Variants in MASTL observed in about 807,000 individuals in gnomAD.
MASTL encodes the protein microtubule associated serine/threonine kinase like, also known as serine/threonine-protein kinase greatwall.
MASTL carries 54 observed loss-of-function variants against 82.5 expected under a neutral mutation model. The ratio of observed to expected loss-of-function variants is 0.65; its 90% confidence interval spans 0.53 to 0.82. The LOEUF is 0.82. MASTL is among the 40% of genes least tolerant of loss of function. The probability of loss-of-function intolerance (pLI) is 0.00; values close to 1 mark genes in which losing one functional copy is unlikely to be tolerated. For synonymous variants in MASTL, 323 were observed against 368.9 expected, an observed-to-expected ratio of 0.88 and a Z score of 1.43; for missense variants, 950 against 1,047.8, an observed-to-expected ratio of 0.91 and a Z score of 1.29.
At chr10:27,162,429 G>T (rs2057600598) in intron 4 of MASTL, among the ~76,000 whole-genome samples, 2 of 152,306 alleles carry the variant, frequency 1.3e-5, no homozygotes, top group African/African-American at 4.8e-5. Flanking sequence ...CTGGGAGGCC[G>T]AGGCGGGTAG....
At chr10:27,178,986 A>G (rs1012017247) in intron 9 of MASTL, among the ~76,000 whole-genome samples, 2 of 152,120 alleles carry the variant, frequency 1.3e-5, no homozygotes, top group Admixed American at 6.6e-5. Context: ...GCATGCAGCT[A>G]TTTTTCCTAA....
chr10:27,161,062 G>C lies in MASTL; in HGVS notation c.465-32G>C, dbSNP rs12572707. ...CTAACATTAAAACTAGCCCTTTTTT[G>C]GTTATCTAATATTTGCCTTTTGTGT... On this transcript the variant is annotated intron_variant, in intron 3 of 11. Coordinates refer to ENST00000375940, the MANE Select transcript of MASTL (RefSeq NM_001172303.3). The C allele has an allele frequency of 0.068, 93,409 of 1,368,716 alleles. 4,308 individuals carry two copies. The highest frequency in any genetic ancestry group is 0.2 in the East Asian group (8,814 of 43,672). 84.8% of individuals were successfully genotyped at this position (1,368,716 alleles called of 1,614,324 possible).
chr10:27,168,477 T>C (rs544838943), intron 7 of MASTL, among the ~76,000 whole-genome samples: 16 of 152,332 alleles, frequency 1.1e-4, no homozygotes, highest in African/African-American at 3.8e-4. Flanking sequence ...GATCCCCACA[T>C]GCATCATTTT....
chr10:27,173,341 C>A, intron 9 of MASTL, 82 bp downstream of exon 9: 1 of 1,513,046 alleles, frequency 6.6e-7, no homozygotes. Flanking sequence ...AAAATTTCTT[C>A]AGTACTTACG....
At chr10:27,181,235 C>CA (rs907178202) in intron 10 of MASTL, among the ~76,000 whole-genome samples, 169 bp downstream of exon 10, 4 of 151,592 alleles carry the variant, frequency 2.6e-5, no homozygotes, top group Admixed American at 2.0e-4. Flanking sequence ...AAAAAAAATA[C>CA]AAAAAATTAG....
At chr10:27,160,751 CAAAAAA>C (rs879457054) in intron 3 of MASTL, among the ~76,000 whole-genome samples, 5 of 112,324 alleles carry the variant, frequency 4.5e-5, no homozygotes, top group Admixed American at 3.8e-4. Flanking sequence ...AACTCCATCT[CAAAAAA>C]AAAAAGAAAA....
chr10:27,165,628 T>G, intron 6 of MASTL, 89 bp downstream of exon 6: 1 of 1,428,856 alleles, frequency 7.0e-7, no homozygotes, highest in African/African-American at 1.4e-5. Context: ...TTTCTTTCTT[T>G]TTGAGACGGA....
chr10:27,174,878 A>C (rs1588704754), intron 9 of MASTL, among the ~76,000 whole-genome samples: 1 of 152,098 alleles, frequency 6.6e-6, no homozygotes, highest in Non-Finnish European at 1.5e-5. Context: ...ACTTAAACAT[A>C]GCTTTTTTGG....
chr10:27,164,478 T>C (rs2057675781), intron 4 of MASTL, among the ~76,000 whole-genome samples: 1 of 152,206 alleles, frequency 6.6e-6, no homozygotes, highest in Non-Finnish European at 1.5e-5. Flanking sequence ...TATATCTAAG[T>C]GGAATAGTAT....
At chr10:27,173,385 T>C in intron 9 of MASTL, 126 bp downstream of exon 9, 1 of 1,013,792 alleles carries the variant, frequency 9.9e-7, no homozygotes, top group South Asian at 1.4e-5. Context: ...ACTCATCTAG[T>C]ATATATATGG....
chr10:27,176,968 C>G (rs1272759246), intron 9 of MASTL, among the ~76,000 whole-genome samples: 1 of 151,878 alleles, frequency 6.6e-6, no homozygotes, highest in Non-Finnish European at 1.5e-5. Context: ...CCTCAGCCTC[C>G]CAATTAGCTG....
At chr10:27,180,894 G>A in intron 9 of MASTL, 59 bp from the exon 10 acceptor site, 2 of 1,107,862 alleles carry the variant, frequency 1.8e-6, no homozygotes, top group East Asian at 2.4e-5. Flanking sequence ...TAATATTTCT[G>A]TTCATCAAAT....
rs748127981 is a variant in MASTL at position 27,168,329 on chromosome 10, T to TTA, written c.984+1056_984+1057insAT. 2.0e-4 allele frequency among the ~76,000 whole-genome samples: 30 copies of TTA among 152,314 alleles called. No homozygotes were observed. In the South Asian group the frequency reaches 6.0e-3, roughly 31 times the overall value. On this transcript the variant is annotated intron_variant, in intron 7 of 11. Transcript: ENST00000375940. ...CTTTCCTATTGAAGAAAACATATTG[T>TTA]TTACTATTTCAAATTATACACAGCT...
Position 27,159,126 on chromosome 10 carries a change from A to G in MASTL, c.324+440A>G, listed in dbSNP as rs1028549332. Among the ~76,000 whole-genome samples the G allele has an allele frequency of 6.6e-6, 1 of 152,174 alleles. No homozygotes were observed. Among genetic ancestry groups the G allele is most frequent in the African/African-American group, 2.4e-5 (1 of 41,448 alleles). ...GCACATAATTGCACCCCAGCCTGAG[A>G]TAGAGTCTCCCTCTGTTGCCCAGGC... On this transcript the variant is annotated intron_variant, in intron 2 of 11. Coordinates refer to ENST00000375940, the MANE Select transcript of MASTL (RefSeq NM_001172303.3). The surrounding 1 kb of genome is among the most constrained non-coding windows in gnomAD (Gnocchi z 4.0).
intron 11 of MASTL, among the ~76,000 whole-genome samples, chr10:27,181,798 G>A (rs2058327058): frequency 6.6e-6 from 1 of 152,126 alleles, no homozygotes; most frequent in Admixed American, 6.5e-5. Context: ...AAATTGGCCG[G>A]GTGTGGTGGC....
intron 6 of MASTL, among the ~76,000 whole-genome samples, chr10:27,166,799 C>CTT (rs1447140947): frequency 6.6e-6 from 1 of 152,018 alleles, no homozygotes; most frequent in African/African-American, 2.4e-5. Context: ...TGTTCTTATT[C>CTT]TTTACTGAAT....
At chr10:27,177,873 G>C in intron 9 of MASTL, 1 of 654,882 alleles carries the variant, frequency 1.5e-6, no homozygotes, top group Non-Finnish European at 1.9e-6. Context: ...AACAGTCAAA[G>C]TATAACTAGA....
At chr10:27,182,097 A>G (rs1236537142) in intron 11 of MASTL, among the ~76,000 whole-genome samples, 1 of 151,524 alleles carries the variant, frequency 6.6e-6, no homozygotes, top group Non-Finnish European at 1.5e-5. Context: ...AAAAAATACA[A>G]AAATTAGGCC....
intron 1 of MASTL, among the ~76,000 whole-genome samples, chr10:27,156,962 G>A (rs891444201): frequency 1.3e-5 from 2 of 149,988 alleles, no homozygotes; most frequent in South Asian, 4.2e-4. Context: ...CCACCACACC[G>A]GGCTAATTTT....
Sources: allele counts gnomAD v4.1 joint callset (sites outside exome capture counted in the v4.1 genomes callset), GRCh38; gene constraint gnomAD v4.1.1; non-coding constraint Gnocchi (gnomAD v3.1); transcripts MANE v1.5; gene names NCBI Gene and HGNC (gene_info 2026-07-23, HGNC 2026-07-21).